PTPRN2: variants seen among roughly 807,000 people sequenced by gnomAD.
PTPRN2 encodes the protein receptor-type tyrosine-protein phosphatase N2.
Under a neutral mutation model 118.8 loss-of-function variants are expected in PTPRN2, and 74 were observed. The ratio of observed to expected loss-of-function variants is 0.62; its 90% CI spans 0.52 to 0.76. The LOEUF is 0.76. PTPRN2 is among the 30% of genes least tolerant of loss of function. PTPRN2 has a pLI of 0.00. For missense variants in PTPRN2, 1,481 were observed against 1,394.4 expected (o/e 1.06, Z -0.99); for synonymous variants, 641 against 608.0 (o/e 1.05, Z -0.80).
chr7:158,289,077 T>C (rs1121014), intron 3 of PTPRN2, among the ~76,000 whole-genome samples: 81,705 of 151,930 alleles, frequency 0.54, 22,433 homozygotes, highest in Non-Finnish European at 0.61. Flanking sequence ...GATTTGCTTC[T>C]TTTCTCTCAC....
intron 3 of PTPRN2, among the ~76,000 whole-genome samples, chr7:158,265,591 G>A (rs1797819432): frequency 1.3e-5 from 2 of 152,204 alleles, no homozygotes; most frequent in South Asian, 4.1e-4. Context: ...CCCAGACTCT[G>A]GGTGAAGGGA....
At chr7:157,839,566 T>C (rs10230775) in intron 12 of PTPRN2, among the ~76,000 whole-genome samples, 4,439 of 152,000 alleles carry the variant, frequency 0.029, 161 homozygotes, top group South Asian at 0.12. Context: ...TGTGAGAGAT[T>C]GTGTGTGTGA....
chr7:158,243,492 G>A (rs951937827), intron 3 of PTPRN2, among the ~76,000 whole-genome samples: 3 of 152,244 alleles, frequency 2.0e-5, no homozygotes, highest in Non-Finnish European at 4.4e-5. Context: ...GCTCAGTGGA[G>A]AGATGGTTAC....
At chr7:157,925,885 A>T (rs1798955371) in intron 11 of PTPRN2, among the ~76,000 whole-genome samples, 1 of 152,060 alleles carries the variant, frequency 6.6e-6, no homozygotes, top group Non-Finnish European at 1.5e-5. Flanking sequence ...CTCAGAAAAC[A>T]CTTCCACAGA....
chr7:157,949,732 T>C (rs529166198), intron 11 of PTPRN2, among the ~76,000 whole-genome samples: 74 of 152,200 alleles, frequency 4.9e-4, no homozygotes, highest in Non-Finnish European at 1.0e-3. Flanking sequence ...TTGATAAAAG[T>C]CTCCTGCTCT....
intron 11 of PTPRN2, among the ~76,000 whole-genome samples, chr7:157,970,704 TGCCCAGCACAACACACATGGACA>T (rs925480369): frequency 6.9e-6 from 1 of 145,048 alleles, no homozygotes; most frequent in African/African-American, 2.5e-5. Context: ...GTGGGACCTG[TGCCCAGCACAACACACATGGACA>T]GCCCAGCAGG....
At chr7:158,070,935 G>A (rs1196899198) in intron 11 of PTPRN2, among the ~76,000 whole-genome samples, 2 of 62,918 alleles carry the variant, frequency 3.2e-5, no homozygotes, top group African/African-American at 7.6e-5. Context: ...GGTGCTCCTG[G>A]TGGTGGAGGT....
chr7:157,937,943 G>C lies in PTPRN2; in HGVS notation c.1724-39206C>G, dbSNP rs556144969. 9.8e-5 allele frequency among the ~76,000 whole-genome samples: 14 copies of C among 143,138 alleles called. No individual in the cohort carries two copies. The South Asian group carries it at 3.1e-3, about 32-fold the overall frequency. 93.9% of individuals were successfully genotyped at this position (143,138 alleles called of 152,430 possible). A position where few individuals can be genotyped will look rare whatever the true frequency, so the allele number is the denominator to read the frequency against. On this transcript the variant is annotated intron_variant, in intron 11 of 22. Transcript: ENST00000389418. ...TGACATGTTCCCCATCTCTCTCTCT[G>C]TTGTTTTATTTTCCTTTGACAATGT...
chr7:158,235,836 T>C lies in PTPRN2; in HGVS notation c.278-30563A>G, dbSNP rs201070440. 2.6e-4 allele frequency among the ~76,000 whole-genome samples: 40 copies of C among 152,302 alleles called. No individual in the cohort carries two copies. In the East Asian group the frequency reaches 7.7e-3, roughly 29 times the overall value. The stretch of plus-strand genomic sequence containing the variant: ...CAAATTATACAATGGTATTAAATTA[T>C]CACATGTACCCTGAAAATATGTACA... On this transcript the variant is annotated intron_variant, in intron 3 of 22. Coordinates refer to ENST00000389418, the MANE Select transcript of PTPRN2 (RefSeq NM_002847.5).
rs550083980 is a variant in PTPRN2 at position 157,968,491 on chromosome 7, C to T, written c.1724-69754G>A. Among the ~76,000 whole-genome samples the T allele has an allele frequency of 9.3e-4, 142 of 152,264 alleles. 1 individual carries two copies. The highest frequency in any genetic ancestry group is 3.2e-3 in the African/African-American group (133 of 41,534). On this transcript the variant is annotated intron_variant, in intron 11 of 22. Coordinates refer to ENST00000389418, the MANE Select transcript of PTPRN2 (RefSeq NM_002847.5). ...TCGGTTTTCAAGAGTTTCTGGGTCT[C>T]GGGGTTGTGTGAATGGATGTGAACC...
At chr7:158,478,503 G>A (rs569057068) in intron 2 of PTPRN2, among the ~76,000 whole-genome samples, 4 of 152,282 alleles carry the variant, frequency 2.6e-5, no homozygotes, top group African/African-American at 9.6e-5. Context: ...GGTGGGATGC[G>A]GAGCCGTGAC....
rs1808777567 is a variant in PTPRN2, at chr7:157,845,996, C to T, written c.1788+52677G>A. On this transcript the variant is annotated intron_variant, in intron 12 of 22. Transcript: ENST00000389418. The surrounding 1 kb of genome is among the most constrained non-coding windows in gnomAD (Gnocchi z 4.5). ...AAATCCTTTCCTCAAACAACACAAA[C>T]TACGGAGGAAGGGAGTGGTAAAATT... Among the ~76,000 whole-genome samples the T allele has an allele frequency of 6.6e-6, 1 of 152,208 alleles. No homozygotes were observed. The highest frequency in any genetic ancestry group is 2.4e-5 in the African/African-American group (1 of 41,454).
chr7:158,336,731 A>T (rs1464463810), intron 2 of PTPRN2, among the ~76,000 whole-genome samples: 1 of 118,794 alleles, frequency 8.4e-6, no homozygotes, highest in Admixed American at 8.3e-5. Context: ...AAAAGAGCTG[A>T]CGCCCGCAGA....
chr7:158,326,922 T>C (rs1280246944), intron 2 of PTPRN2, among the ~76,000 whole-genome samples: 1 of 137,162 alleles, frequency 7.3e-6, no homozygotes, highest in African/African-American at 2.8e-5. Context: ...TGCTCACACG[T>C]TCTCACATGC....
intron 11 of PTPRN2, among the ~76,000 whole-genome samples, chr7:158,021,092 A>G (rs553256829): frequency 6.6e-6 from 1 of 152,350 alleles, no homozygotes; most frequent in South Asian, 2.1e-4. Flanking sequence ...CTTTACCAAG[A>G]CAAACACACT....
chr7:157,913,107 A>G (rs763512227), intron 11 of PTPRN2, among the ~76,000 whole-genome samples: 1 of 152,198 alleles, frequency 6.6e-6, no homozygotes, highest in African/African-American at 2.4e-5. Flanking sequence ...TTTAAGTTTT[A>G]TATTTTTCCC....
At chr7:157,704,606 C>A (rs1798237209) in intron 12 of PTPRN2, among the ~76,000 whole-genome samples, 3 of 152,192 alleles carry the variant, frequency 2.0e-5, no homozygotes, top group Admixed American at 2.0e-4. Flanking sequence ...CCCACATTCG[C>A]TTCTGGGCAC....
At chr7:157,962,218 T>C (rs576779197) in intron 11 of PTPRN2, among the ~76,000 whole-genome samples, 1 of 152,248 alleles carries the variant, frequency 6.6e-6, no homozygotes, top group Non-Finnish European at 1.5e-5. Flanking sequence ...TGTTTGCGTA[T>C]TAGCATAAAC....
chr7:157,798,563 C>T (rs962933634), intron 12 of PTPRN2, among the ~76,000 whole-genome samples: 5 of 152,108 alleles, frequency 3.3e-5, no homozygotes, highest in Non-Finnish European at 7.4e-5. Context: ...ACACACGTCG[C>T]TTCTGGTCTG....
Sources: gnomAD v4.1 joint callset for allele counts (sites outside exome capture counted in the v4.1 genomes callset) on GRCh38, gnomAD v4.1.1 for gene constraint, Gnocchi (gnomAD v3.1) non-coding constraint, MANE v1.5 for transcripts, NCBI Gene and HGNC (gene_info 2026-07-23, HGNC 2026-07-21) for gene names.